FMNL3: variants seen among roughly 807,000 people sequenced by gnomAD.
The protein encoded by FMNL3 is formin like 3, also known as formin-like protein 3.
FMNL3 carries 57 observed loss-of-function variants against 119.6 expected under a neutral mutation model. The observed-to-expected ratio is 0.48, with a 90% CI of 0.39 to 0.59. The LOEUF (loss-of-function observed/expected upper bound fraction) is 0.59, where lower values mean the gene tolerates loss of function less well. FMNL3 is among the 20% of genes least tolerant of loss of function. FMNL3 has a pLI of 0.00. For synonymous variants in FMNL3, 491 were observed against 507.3 expected, an observed-to-expected ratio of 0.97 and a Z score of 0.43; for missense variants, 1,053 against 1,323.5, an observed-to-expected ratio of 0.80 and a Z score of 3.17.
Position 49,642,524 on chromosome 12 carries a change from G to A in FMNL3, c.*3291C>T. 6.2e-7 allele frequency: 1 copy of A among 1,601,656 alleles called. No individual in the cohort carries two copies. The highest frequency in any genetic ancestry group is 8.6e-7 in the Non-Finnish European group (1 of 1,169,438). On this transcript the variant is annotated 3_prime_UTR_variant, in exon 26 of 26. Coordinates refer to ENST00000335154, the MANE Select transcript of FMNL3 (RefSeq NM_175736.5). The surrounding 1 kb of genome is among the most constrained non-coding windows in gnomAD (Gnocchi z 5.8). ...AGCCCTGCCCTGTGCTCATGGCGGT[G>A]TCCAGGCCAGGCTGAGTGGGGCCTA... is the stretch of plus-strand genomic sequence containing the variant.
At position 49,639,336 on chromosome 12, in the gene FMNL3, G is replaced by C. The variant is rs892651172; in HGVS notation, c.*6479C>G. 1.2e-4 allele frequency: 18 copies of C among 152,156 alleles called. No individual in the cohort carries two copies. Among genetic ancestry groups the C allele is most frequent in the African/African-American group, 4.1e-4 (17 of 41,422 alleles). 9.4% of individuals were successfully genotyped at this position (152,156 alleles called of 1,614,324 possible). A position where few individuals can be genotyped will look rare whatever the true frequency, so the allele number is the denominator to read the frequency against. On this transcript the variant is annotated 3_prime_UTR_variant, in exon 26 of 26. Coordinates refer to ENST00000335154, the MANE Select transcript of FMNL3 (RefSeq NM_175736.5). ...ATCCCCAGACCTCTCTCCTACTGTT[G>C]GGGCTACTTGGTACAAAAGTCCAAG...
rs1008790511 is a variant in FMNL3, at chr12:49,638,594, C to T, written c.*7221G>A. The T allele has an allele frequency of 1.3e-5, 2 of 152,098 alleles. No individual in the cohort carries two copies. Among genetic ancestry groups the T allele is most frequent in the Non-Finnish European group, 2.9e-5 (2 of 68,014 alleles). The allele number at this position is 152,098 out of a possible 1,614,324, so 9.4% of individuals were successfully genotyped here. A position where few individuals can be genotyped will look rare whatever the true frequency, so the allele number is the denominator to read the frequency against. On this transcript the variant is annotated 3_prime_UTR_variant, in exon 26 of 26. Coordinates refer to ENST00000335154, the MANE Select transcript of FMNL3 (RefSeq NM_175736.5). ...AAAGTGAGTGAGTGATGGACTAAAC[C>T]TTGTGTTCCAAAAGAAAAAAACAAA...
At position 49,636,619 on chromosome 12, in the gene FMNL3, C is replaced by T; in HGVS notation, c.*9196G>A. 1 of 1,547,292 alleles carries T rather than the reference C, an allele frequency of 6.5e-7. No homozygotes were observed. The highest frequency in any genetic ancestry group is 1.4e-5 in the African/African-American group (1 of 73,914). On this transcript the variant is annotated 3_prime_UTR_variant, in exon 26 of 26. Coordinates refer to ENST00000335154, the MANE Select transcript of FMNL3 (RefSeq NM_175736.5). ...CCCCCACCACCCTGGGTATCCCTAG[C>T]ACCTGTAGGACAGCATCGTTGAAAC...
intron 5 of FMNL3, among the ~76,000 whole-genome samples, chr12:49,661,533 GT>G (rs1943734166): frequency 6.6e-6 from 1 of 152,178 alleles, no homozygotes; most frequent in South Asian, 2.1e-4. Flanking sequence ...CTGTTCCTGG[GT>G]TCTTCAACAA....
intron 4 of FMNL3, among the ~76,000 whole-genome samples, chr12:49,664,609 A>G (rs541639884): frequency 1.3e-5 from 2 of 152,160 alleles, no homozygotes; most frequent in Non-Finnish European, 2.9e-5. Context: ...GACTGACCAA[A>G]CAAAGGAAGA....
In FMNL3 at chr12:49,637,618, G is replaced by A. The variant is rs769234158; in HGVS notation, c.*8197C>T. 1.8e-5 allele frequency: 28 copies of A among 1,596,912 alleles called. No homozygotes were observed. The South Asian group carries it at 2.4e-4, about 14-fold the overall frequency. On this transcript the variant is annotated 3_prime_UTR_variant, in exon 26 of 26. Coordinates refer to ENST00000335154, the MANE Select transcript of FMNL3 (RefSeq NM_175736.5). The stretch of plus-strand genomic sequence containing the variant: ...GCCAGGCTCCCCCTTCTCTGGCCTG[G>A]CTTCCTGCCCTGCCAGCCTCTCTGC...
At chr12:49,677,165 G>T (rs892134810) in intron 1 of FMNL3, among the ~76,000 whole-genome samples, 3 of 152,182 alleles carry the variant, frequency 2.0e-5, no homozygotes, top group African/African-American at 7.2e-5. Context: ...ATAAATGACA[G>T]TAGTAACATC....
intron 21 of FMNL3, 142 bp downstream of exon 21, chr12:49,648,887 C>T: frequency 7.6e-7 from 1 of 1,309,698 alleles, no homozygotes; most frequent in Non-Finnish European, 1.0e-6. Flanking sequence ...CTTAAGGCTC[C>T]AGCGGAAAGC....
intron 1 of FMNL3, among the ~76,000 whole-genome samples, chr12:49,678,046 T>C (rs980622278): frequency 6.6e-6 from 1 of 152,006 alleles, no homozygotes; most frequent in East Asian, 1.9e-4. Context: ...GTATTTTTAG[T>C]AGAGAAGGGG....
At chr12:49,677,001 T>C (rs558177611) in intron 1 of FMNL3, among the ~76,000 whole-genome samples, 4 of 152,182 alleles carry the variant, frequency 2.6e-5, no homozygotes, top group African/African-American at 7.2e-5. Flanking sequence ...GCAATAAAGA[T>C]TGGGCAAATC....
rs1463422323 is a variant in FMNL3 at position 49,651,301 on chromosome 12, G to A, written c.1673-9C>T. 6.2e-7 allele frequency: 1 copy of A among 1,610,512 alleles called. No homozygotes were observed. The highest frequency in any genetic ancestry group is 2.2e-5 in the East Asian group (1 of 44,734). On this transcript the variant is annotated splice_polypyrimidine_tract_variant and intron_variant, in intron 15 of 25. Transcript: ENST00000335154. ...TTTCTTAATTCGAATGGCTAATTTG[G>A]AAGGAGGATCAGTGACACAGGGGCC...
intron 5 of FMNL3, chr12:49,659,874 C>T: frequency 1.0e-6 from 1 of 985,432 alleles, no homozygotes; most frequent in Non-Finnish European, 1.2e-6. Context: ...TCATTAAAGA[C>T]TAAGGGAGCA....
chr12:49,649,432 G>C lies in FMNL3; in HGVS notation c.2304+38C>G. On this transcript the variant is annotated intron_variant, in intron 19 of 25. Coordinates refer to ENST00000335154, the MANE Select transcript of FMNL3 (RefSeq NM_175736.5). The surrounding 1 kb of genome is among the most constrained non-coding windows in gnomAD (Gnocchi z 5.6). The stretch of plus-strand genomic sequence containing the variant: ...AGCCCCAGGCCCCCACCTAGGACCT[G>C]AAAACCCCCAGCACCCCTGTTCACA... 1 of 1,613,826 alleles carries C rather than the reference G, an allele frequency of 6.2e-7. No homozygotes were observed. The highest frequency in any genetic ancestry group is 8.5e-7 in the Non-Finnish European group (1 of 1,179,958).
intron 1 of FMNL3, among the ~76,000 whole-genome samples, chr12:49,704,710 CAAA>C (rs59799899): frequency 2.8e-3 from 105 of 37,820 alleles, no homozygotes; most frequent in South Asian, 0.026. Context: ...AACTCCATCT[CAAA>C]AAAAAAAAAA....
chr12:49,654,390 A>C, intron 10 of FMNL3, 88 bp from the exon 11 acceptor site: 11 of 997,726 alleles, frequency 1.1e-5, no homozygotes, highest in Non-Finnish European at 1.6e-5. Flanking sequence ...TTAGAATATC[A>C]TCATCATGTG....
Position 49,649,090 on chromosome 12 carries a change from C to T in FMNL3, c.2454G>A (p.Glu818=). 1 of 1,613,658 alleles carries T rather than the reference C, an allele frequency of 6.2e-7. No homozygotes were observed. The highest frequency in any genetic ancestry group is 8.5e-7 in the Non-Finnish European group (1 of 1,179,720). The change falls in exon 21 of 26, where the codon GAG becomes GAA. Residue 818 remains glutamate (E), a synonymous_variant. Transcript: ENST00000335154. This position sits in a 1 kb window ranked among gnomAD's most constrained non-coding sequence, Gnocchi z 5.6. ...LLHFIALTVK[E]KYPDLANFWH... The stretch of plus-strand genomic sequence containing the variant: ...AGAAGTTAGCCAGGTCTGGGTATTT[C>T]TCCTTCACTGTCAAGGCGATGAAAT...
At chr12:49,705,175 T>G (rs189912655) in intron 1 of FMNL3, among the ~76,000 whole-genome samples, 1 of 152,088 alleles carries the variant, frequency 6.6e-6, no homozygotes, top group Admixed American at 6.5e-5. Flanking sequence ...CAACCCTTCA[T>G]CAGCAGCAGC....
At chr12:49,651,331 A>G (rs1432208672) in intron 15 of FMNL3, 39 bp from the exon 16 acceptor site, 7 of 1,605,140 alleles carry the variant, frequency 4.4e-6, no homozygotes, top group Non-Finnish European at 5.1e-6. Flanking sequence ...GGGGCCAAGG[A>G]CACACACCCC....
At chr12:49,680,191 T>C (rs926174456) in intron 1 of FMNL3, among the ~76,000 whole-genome samples, 3 of 152,244 alleles carry the variant, frequency 2.0e-5, no homozygotes, top group Non-Finnish European at 4.4e-5. Context: ...TACACTGGCC[T>C]AGGGCCCAGC....
Sources: allele counts gnomAD v4.1 joint callset (sites outside exome capture counted in the v4.1 genomes callset), GRCh38; gene constraint gnomAD v4.1.1; non-coding constraint Gnocchi (gnomAD v3.1); transcripts MANE v1.5; gene names NCBI Gene and HGNC (gene_info 2026-07-23, HGNC 2026-07-21).